ZNF536: variants seen among roughly 807,000 people sequenced by gnomAD.
ZNF536 encodes the protein zinc finger protein 536.
In ZNF536, 13 loss-of-function variants were observed where a neutral mutation model predicts 84.5. The observed-to-expected ratio is 0.15, with a 90% CI of 0.10 to 0.24. The LOEUF is 0.24. Ranked by LOEUF, ZNF536 falls within the 10% of genes least tolerant of loss-of-function variation. The pLI, the probability that ZNF536 is intolerant of heterozygous loss-of-function variation, is 1.00. For missense variants in ZNF536, 1,536 were observed against 1,747.5 expected (o/e 0.88, Z 2.16); for synonymous variants, 811 against 742.5 (o/e 1.09, Z -1.50).
chr19:30,538,097 A>G (rs769673745), intron 3 of ZNF536, among the ~76,000 whole-genome samples: 1 of 152,228 alleles, frequency 6.6e-6, no homozygotes, highest in Non-Finnish European at 1.5e-5. Context: ...GTATTTGTTA[A>G]TAAGTGATTT....
intron 2 of ZNF536, among the ~76,000 whole-genome samples, chr19:30,347,212 A>C (rs2047774537): frequency 6.6e-6 from 1 of 152,096 alleles, no homozygotes; most frequent in Non-Finnish European, 1.5e-5. Flanking sequence ...TCAGAAGATC[A>C]AAGGATTACA....
At chr19:30,227,252 G>A (rs2022663810), upstream of ZNF536, among the ~76,000 whole-genome samples, 1 of 152,148 alleles carries the variant, frequency 6.6e-6, no homozygotes, top group African/African-American at 2.4e-5. Flanking sequence ...TTGGGGACAG[G>A]TGGAAAGTTA....
intron 2 of ZNF536, among the ~76,000 whole-genome samples, chr19:30,518,662 C>G (rs1294367077): frequency 6.6e-6 from 1 of 152,144 alleles, no homozygotes; most frequent in African/African-American, 2.4e-5. Context: ...AATGATTTTC[C>G]ATATGAAAGA....
chr19:30,631,867 T>G (rs2048900545), intron 1 of ZNF536, among the ~76,000 whole-genome samples: 1 of 152,220 alleles, frequency 6.6e-6, no homozygotes, highest in African/African-American at 2.4e-5. Flanking sequence ...GGAGTTTTCA[T>G]CACCAGAGAG....
chr19:30,573,249 A>G (rs146102547), intron 1 of ZNF536, among the ~76,000 whole-genome samples: 2,987 of 152,250 alleles, frequency 0.02, 37 homozygotes, highest in Middle Eastern at 0.031. Context: ...TGTTTTTCCC[A>G]TTTTTATAGA....
At chr19:30,331,685 G>C (rs1388412234) in intron 2 of ZNF536, among the ~76,000 whole-genome samples, 2 of 152,156 alleles carry the variant, frequency 1.3e-5, no homozygotes, top group Non-Finnish European at 2.9e-5. Context: ...AGGCTTGACA[G>C]TGACCAACAC....
chr19:30,490,206 T>G (rs1165466744), intron 2 of ZNF536, among the ~76,000 whole-genome samples: 1 of 152,192 alleles, frequency 6.6e-6, no homozygotes, highest in Non-Finnish European at 1.5e-5. Context: ...AGAAAACAGT[T>G]TTGTTGTTGA....
intron 2 of ZNF536, among the ~76,000 whole-genome samples, chr19:30,335,208 C>T (rs73551245): frequency 0.29 from 44,440 of 152,134 alleles, 6,567 homozygotes; most frequent in Middle Eastern, 0.42. Flanking sequence ...TGTATCGCTC[C>T]CACCCTGCCA....
intron 2 of ZNF536, among the ~76,000 whole-genome samples, chr19:30,458,786 G>A (rs367960225): frequency 9.3e-4 from 142 of 152,168 alleles, no homozygotes; most frequent in Middle Eastern, 3.4e-3. Flanking sequence ...GAGCTTCATC[G>A]TGTCGTCTCT....
chr19:30,609,788 A>ATCCG (rs2048027184), intron 1 of ZNF536, among the ~76,000 whole-genome samples: 1 of 150,412 alleles, frequency 6.6e-6, no homozygotes, highest in African/African-American at 2.4e-5. Flanking sequence ...CCATCCATCC[A>ATCCG]TCCATCCATC....
intron 1 of ZNF536, among the ~76,000 whole-genome samples, chr19:30,383,518 C>T (rs1288366280): frequency 9.0e-5 from 10 of 111,728 alleles, no homozygotes; most frequent in African/African-American, 2.9e-4. Context: ...GCCTAAACCA[C>T]GTACACACCT....
chr19:30,390,806 C>T (rs950520937), intron 1 of ZNF536, among the ~76,000 whole-genome samples: 6 of 152,168 alleles, frequency 3.9e-5, no homozygotes, highest in Admixed American at 2.0e-4. Context: ...CGCCAGCCCC[C>T]GCCCCCATGT....
intron 2 of ZNF536, among the ~76,000 whole-genome samples, chr19:30,523,154 C>A (rs2044433989): frequency 6.6e-6 from 1 of 152,078 alleles, no homozygotes; most frequent in Non-Finnish European, 1.5e-5. Flanking sequence ...GGCGCGGGGG[C>A]ACTGCCAGGG....
chr19:30,230,100 C>T (rs78622399), intron 1 of ZNF536, among the ~76,000 whole-genome samples: 4,824 of 152,234 alleles, frequency 0.032, 248 homozygotes, highest in African/African-American at 0.11. Flanking sequence ...ACCTTCAGCC[C>T]CTTAACTGTG....
At chr19:30,376,980 T>C (rs929140318) in intron 1 of ZNF536, among the ~76,000 whole-genome samples, 3 of 152,306 alleles carry the variant, frequency 2.0e-5, no homozygotes, top group Middle Eastern at 3.4e-3. Flanking sequence ...GGCTGCCCTG[T>C]GGGCTCATAG....
intron 2 of ZNF536, among the ~76,000 whole-genome samples, chr19:30,312,953 C>T (rs1198598763): frequency 6.6e-6 from 1 of 152,262 alleles, no homozygotes; most frequent in Non-Finnish European, 1.5e-5. Context: ...GGGCCTGCTT[C>T]AGTCCCCAGA....
chr19:30,592,085 T>A (rs1421139133), intron 1 of ZNF536, among the ~76,000 whole-genome samples: 1 of 152,218 alleles, frequency 6.6e-6, no homozygotes. Context: ...AACAAGCATA[T>A]TTAGCAATAT....
At chr19:30,345,594 A>C (rs192067870) in intron 2 of ZNF536, among the ~76,000 whole-genome samples, 1 of 152,208 alleles carries the variant, frequency 6.6e-6, no homozygotes, top group South Asian at 2.1e-4. Flanking sequence ...AAAGAAAAAA[A>C]TGTAGTGACT....
chr19:30,508,006 T>C (rs1184721054), intron 2 of ZNF536, among the ~76,000 whole-genome samples: 1 of 152,116 alleles, frequency 6.6e-6, no homozygotes. Context: ...GAGTGATGAA[T>C]GGTAAATATA....
Sources: allele counts gnomAD v4.1 joint callset (sites outside exome capture counted in the v4.1 genomes callset), GRCh38; gene constraint gnomAD v4.1.1; transcripts MANE v1.5; gene names NCBI Gene and HGNC (gene_info 2026-07-23, HGNC 2026-07-21).